The following TMPRSS9 variants were observed in gnomAD, a reference collection of about 807,000 sequenced individuals.
TMPRSS9 encodes transmembrane serine protease 9.
TMPRSS9 carries 113 observed loss-of-function variants against 111.4 expected under a neutral mutation model. That is an observed-to-expected ratio of 1.01 (90% CI 0.87 to 1.19). The LOEUF is 1.19. Among genes scored for constraint, TMPRSS9 ranks in the 50% most tolerant of loss-of-function variants. The pLI is 0.00. For synonymous variants in TMPRSS9, 805 were observed against 659.1 expected, an observed-to-expected ratio of 1.22 and a Z score of -3.39; for missense variants, 1,803 against 1,513.1, an observed-to-expected ratio of 1.19 and a Z score of -3.18.
At position 2,402,036 on chromosome 19, in the gene TMPRSS9, CTT is replaced by C. The variant is rs1970860908; in HGVS notation, c.556+23_556+24del. ...AATCAGGTATGTTTTTCTCTCTGGC[CTT>C]TTCTCTGATTGCAGTTACTGACAGA... On this transcript the variant is annotated intron_variant, in intron 5 of 17. Transcript: ENST00000648592. The C allele has an allele frequency of 6.2e-7, 1 of 1,606,198 alleles. No individual in the cohort carries two copies. The highest frequency in any genetic ancestry group is 1.3e-5 in the African/African-American group (1 of 74,582).
intron 8 of TMPRSS9, 140 bp from the exon 10 acceptor site, chr19:2,410,118 C>A (rs1425259408): frequency 8.3e-7 from 1 of 1,198,694 alleles, no homozygotes; most frequent in Non-Finnish European, 1.2e-6. Flanking sequence ...AGTTTCAGAG[C>A]CATGTGTTGT....
At chr19:2,406,625 G>T (rs925909969) in intron 7 of TMPRSS9, among the ~76,000 whole-genome samples, 1 of 151,040 alleles carries the variant, frequency 6.6e-6, no homozygotes, top group African/African-American at 2.4e-5. Context: ...GTGAGCCACC[G>T]TGCCTGGCCC....
chr19:2,425,503 GC>G lies in TMPRSS9; in HGVS notation c.3120+14del. 6.4e-7 allele frequency: 1 copy of G among 1,561,740 alleles called. No homozygotes were observed. On this transcript the variant is annotated intron_variant, in intron 17 of 17. Transcript: ENST00000648592. The stretch of plus-strand genomic sequence containing the variant: ...CGTGGACAGCTGCTCGGTGAGCCCC[GC>G]CCCGGCCCAGGGGACCAGGTCCCGC...
At chr19:2,366,666 G>T (rs1365737399) in intron 1 of TMPRSS9, among the ~76,000 whole-genome samples, 1 of 151,542 alleles carries the variant, frequency 6.6e-6, no homozygotes, top group Non-Finnish European at 1.5e-5. Flanking sequence ...GACCATCCTG[G>T]CTAACACGAT....
rs1170385931 is a variant in TMPRSS9 at position 2,412,511 on chromosome 19, T to C, written c.1255-1189T>C. ...ATTAACAGTTTGTGTTCTTGGATTC[T>C]ATGTACCCTTTCAAGGGACCAAAGA... On this transcript the variant is annotated intron_variant, in intron 9 of 17. Transcript: ENST00000648592. Among the ~76,000 whole-genome samples the C allele has an allele frequency of 2.6e-5, 4 of 152,226 alleles. No individual in the cohort carries two copies. The East Asian group carries it at 5.8e-4, about 22-fold the overall frequency.
intron 13 of TMPRSS9, among the ~76,000 whole-genome samples, chr19:2,419,328 C>T (rs768783325): frequency 4.9e-4 from 72 of 145,954 alleles, no homozygotes; most frequent in Non-Finnish European, 9.2e-4. Flanking sequence ...CTCAGCCTCC[C>T]GAGTAGCTGG....
At chr19:2,416,274 G>T (rs1004062801) in intron 11 of TMPRSS9, 7 of 532,362 alleles carry the variant, frequency 1.3e-5, no homozygotes, top group South Asian at 2.9e-5. Flanking sequence ...AGGGGGTTGG[G>T]GGGGGGCATT....
intron 1 of TMPRSS9, among the ~76,000 whole-genome samples, chr19:2,384,083 C>T (rs750951400): frequency 2.0e-5 from 3 of 152,132 alleles, no homozygotes; most frequent in South Asian, 2.1e-4. Context: ...CCCTCGGCCA[C>T]GTGGGCACGT....
chr19:2,381,532 G>C (rs1970384986), intron 1 of TMPRSS9, among the ~76,000 whole-genome samples: 1 of 152,024 alleles, frequency 6.6e-6, no homozygotes, highest in African/African-American at 2.4e-5. Context: ...AGAGTAAATG[G>C]GAAAGTGTGG....
At chr19:2,399,283 C>A in intron 4 of TMPRSS9, 90 bp downstream of exon 5, 1 of 1,460,280 alleles carries the variant, frequency 6.8e-7, no homozygotes, top group Non-Finnish European at 9.1e-7. Flanking sequence ...CACCCCTTCC[C>A]ATAAAAAGAA....
At position 2,409,979 on chromosome 19, in the gene TMPRSS9, T is replaced by C. The variant is rs573334549; in HGVS notation, c.1118-279T>C. The stretch of plus-strand genomic sequence containing the variant: ...CCTGGAATGAGGGGCCTGAGATCCC[T>C]GAGATGGGGAATGCTGAGGGGTGGA... On this transcript the variant is annotated intron_variant, in intron 8 of 17. Transcript: ENST00000648592. 2.2e-4 allele frequency among the ~76,000 whole-genome samples: 34 copies of C among 152,106 alleles called. 1 individual carries two copies. In the South Asian group the frequency reaches 6.0e-3, roughly 27 times the overall value.
At chr19:2,401,910 TA>T (rs1970856919) in intron 4 of TMPRSS9, 64 bp from the exon 6 acceptor site, 3 of 1,444,712 alleles carry the variant, frequency 2.1e-6, no homozygotes, top group South Asian at 2.4e-5. Context: ...GCCCGGCCAA[TA>T]GGATGTGTTC....
Position 2,418,245 on chromosome 19 carries a change from T to TC in TMPRSS9, c.2154+114dup, listed in dbSNP as rs373860481. ...CCTAGATTTTTTTCCTTTCTTTCCTTCCCCCCCTCCTTCCCTCCTTGTCCT... is the reference window on the plus strand; with the variant it reads ...CCTAGATTTTTTTCCTTTCTTTCCTTCCCCCCCCTCCTTCCCTCCTTGTCCT... On this transcript the variant is annotated intron_variant, in intron 13 of 17. Coordinates refer to ENST00000648592, the Ensembl canonical transcript of TMPRSS9. 6.1e-5 allele frequency: 78 copies of TC among 1,278,286 alleles called. 1 individual carries two copies. The African/African-American group carries it at 7.6e-4, about 12-fold the overall frequency. The allele number at this position is 1,278,286 out of a possible 1,614,324, so 79.2% of individuals were successfully genotyped here.
At position 2,402,138 on chromosome 19, in the gene TMPRSS9, G is replaced by T. The variant is rs991954271; in HGVS notation, c.556+122G>T. 3.0e-5 allele frequency: 23 copies of T among 775,052 alleles called. No homozygotes were observed. In the African/African-American group the frequency reaches 3.7e-4, roughly 13 times the overall value. 48.0% of individuals were successfully genotyped at this position (775,052 alleles called of 1,614,324 possible). A position where few individuals can be genotyped will look rare whatever the true frequency, so the allele number is the denominator to read the frequency against. ...CTGGGCGCGGTGGCTCACATCTGTC[G>T]TCCCAGCACTTCAGGAGGCTGAGGC... is the stretch of plus-strand genomic sequence containing the variant. On this transcript the variant is annotated intron_variant, in intron 5 of 17. Coordinates refer to ENST00000648592, the Ensembl canonical transcript of TMPRSS9.
chr19:2,416,876 G>C lies in TMPRSS9; in HGVS notation c.2017+67G>C, dbSNP rs1971251572. 7 of 1,526,212 alleles carry C rather than the reference G, an allele frequency of 4.6e-6. No homozygotes were observed. In the Admixed American group the frequency reaches 1.3e-4, roughly 29 times the overall value. 94.5% of individuals were successfully genotyped at this position (1,526,212 alleles called of 1,614,324 possible). A position where few individuals can be genotyped will look rare whatever the true frequency, so the allele number is the denominator to read the frequency against. On this transcript the variant is annotated intron_variant, in intron 12 of 17. Transcript: ENST00000648592. ...CAGGGCCTGGCCTGGGGAGGGTCAGGATGGGCATCTCTTACCTGGACCCTA... is the reference window on the plus strand; with the variant it reads ...CAGGGCCTGGCCTGGGGAGGGTCAGCATGGGCATCTCTTACCTGGACCCTA...
chr19:2,391,785 G>A (rs1305725682), intron 1 of TMPRSS9, among the ~76,000 whole-genome samples: 2 of 149,208 alleles, frequency 1.3e-5, no homozygotes, highest in African/African-American at 2.5e-5. Context: ...TCTCCCAGGC[G>A]CGACAGAGTG....
chr19:2,400,594 A>G (rs1367543329), intron 4 of TMPRSS9, among the ~76,000 whole-genome samples: 1 of 152,056 alleles, frequency 6.6e-6, no homozygotes, highest in East Asian at 1.9e-4. Context: ...ATGATTTTGT[A>G]TGCACCTGGT....
At chr19:2,381,677 A>G (rs2145262525) in intron 1 of TMPRSS9, among the ~76,000 whole-genome samples, 1 of 151,508 alleles carries the variant, frequency 6.6e-6, no homozygotes, top group African/African-American at 2.4e-5. Flanking sequence ...TTGGCTCTGG[A>G]TGGTAGCGGC....
exon 18 of TMPRSS9, chr19:2,426,121 G>C (rs781382231): frequency 8.6e-6 from 13 of 1,513,458 alleles, no homozygotes; most frequent in South Asian, 6.0e-5. Context: ...GAGACTCTAC[G>C]TGAAAGCAAC....
Sources: gnomAD v4.1 joint callset for allele counts (sites outside exome capture counted in the v4.1 genomes callset) on GRCh38, gnomAD v4.1.1 for gene constraint, MANE v1.5 for transcripts, NCBI Gene and HGNC (gene_info 2026-07-23, HGNC 2026-07-21) for gene names.